FHIT: variants seen among roughly 807,000 people sequenced by gnomAD.
FHIT encodes the protein fragile histidine triad diadenosine triphosphatase.
A neutral mutation model predicts 17.9 loss-of-function variants in FHIT; 19 were observed. That is an observed-to-expected ratio of 1.06 (90% confidence interval 0.74 to 1.56). FHIT has a LOEUF of 1.56. FHIT is among the 40% of genes most tolerant of loss of function. FHIT has a pLI of 0.00. For synonymous variants in FHIT, 81 were observed against 69.7 expected, an observed-to-expected ratio of 1.16 and a Z score of -0.81; for missense variants, 248 against 189.2, an observed-to-expected ratio of 1.31 and a Z score of -1.82.
At chr3:59,900,450 A>G (rs1704275668) in intron 8 of FHIT, among the ~76,000 whole-genome samples, 1 of 152,106 alleles carries the variant, frequency 6.6e-6, no homozygotes, top group East Asian at 1.9e-4. Flanking sequence ...TACAGACAAA[A>G]CTAAATACCT....
chr3:60,605,413 C>G (rs777301373), intron 4 of FHIT, among the ~76,000 whole-genome samples: 1 of 152,084 alleles, frequency 6.6e-6, no homozygotes, highest in Non-Finnish European at 1.5e-5. Flanking sequence ...CTGACAGATA[C>G]CAAGAGATCA....
chr3:59,942,849 A>G (rs575960295), intron 7 of FHIT, among the ~76,000 whole-genome samples: 3 of 151,884 alleles, frequency 2.0e-5, no homozygotes, highest in South Asian at 2.1e-4. Context: ...GAGTCTCACT[A>G]TGTTGTCCAG....
intron 5 of FHIT, among the ~76,000 whole-genome samples, chr3:60,067,454 T>A (rs1174854877): frequency 6.6e-6 from 1 of 152,162 alleles, no homozygotes; most frequent in Non-Finnish European, 1.5e-5. Flanking sequence ...AAAACTACAA[T>A]CTCTCATTTA....
chr3:60,263,722 A>G (rs541716388), intron 5 of FHIT, among the ~76,000 whole-genome samples: 1 of 152,072 alleles, frequency 6.6e-6, no homozygotes, highest in Admixed American at 6.6e-5. Flanking sequence ...ATTTGATGAC[A>G]GTATTCTACA....
At chr3:60,021,551 G>T (rs138941163) in intron 5 of FHIT, among the ~76,000 whole-genome samples, 179 of 152,264 alleles carry the variant, frequency 1.2e-3, no homozygotes, top group African/African-American at 4.2e-3. Flanking sequence ...TGGGAAAGAA[G>T]TAAATGATAT....
chr3:59,755,052 A>C (rs1701137812), intron 8 of FHIT, among the ~76,000 whole-genome samples: 2 of 152,138 alleles, frequency 1.3e-5, no homozygotes, highest in Non-Finnish European at 2.9e-5. Context: ...TACTGTTGAG[A>C]ATCACTGCTT....
chr3:60,404,758 A>C (rs1701790103), intron 5 of FHIT, among the ~76,000 whole-genome samples: 1 of 152,170 alleles, frequency 6.6e-6, no homozygotes, highest in Non-Finnish European at 1.5e-5. Flanking sequence ...GTCAGGGACC[A>C]GGCTTTACAC....
chr3:60,715,235 T>C (rs1384792775), intron 4 of FHIT, among the ~76,000 whole-genome samples: 1 of 152,116 alleles, frequency 6.6e-6, no homozygotes, highest in Non-Finnish European at 1.5e-5. Flanking sequence ...TAGCCATAGG[T>C]AGAAAGCTGA....
chr3:59,999,967 A>G lies in FHIT; in HGVS notation c.279+11404T>C, dbSNP rs1699664684. ...GGCTTCAAGTCTGGTTAATTCAACAATCCAATAATGTCACCTAGTGTCCAG... is the reference window on the plus strand; with the variant it reads ...GGCTTCAAGTCTGGTTAATTCAACAGTCCAATAATGTCACCTAGTGTCCAG... On this transcript the variant is annotated intron_variant, in intron 7 of 9. Coordinates refer to ENST00000492590, the MANE Select transcript of FHIT (RefSeq NM_002012.4). Among the ~76,000 whole-genome samples the G allele has an allele frequency of 2.6e-5, 4 of 152,168 alleles. No homozygotes were observed. The South Asian group carries it at 6.2e-4, about 24-fold the overall frequency.
intron 4 of FHIT, among the ~76,000 whole-genome samples, chr3:60,561,114 A>G (rs2036930026): frequency 6.6e-6 from 1 of 151,922 alleles, no homozygotes; most frequent in Non-Finnish European, 1.5e-5. Context: ...TTTTTAATGT[A>G]TCTTAGAAGA....
chr3:59,763,427 A>AT (rs1352471701), intron 8 of FHIT, among the ~76,000 whole-genome samples: 1 of 152,248 alleles, frequency 6.6e-6, no homozygotes, highest in African/African-American at 2.4e-5. Context: ...GGTTGTCAAG[A>AT]TAAAACCTAT....
intron 2 of FHIT, among the ~76,000 whole-genome samples, chr3:61,106,880 C>A (rs2036007135): frequency 6.6e-6 from 1 of 152,106 alleles, no homozygotes; most frequent in East Asian, 1.9e-4. Context: ...AGGCTGGTCT[C>A]AAACTCCTGA....
chr3:59,808,099 C>G (rs141947413), intron 8 of FHIT, among the ~76,000 whole-genome samples: 392 of 152,310 alleles, frequency 2.6e-3, no homozygotes, highest in African/African-American at 6.9e-3. Context: ...CCCTACCCCC[C>G]CAGTCCCTGG....
intron 5 of FHIT, among the ~76,000 whole-genome samples, chr3:60,302,951 T>G (rs763322406): frequency 6.6e-6 from 1 of 152,196 alleles, no homozygotes; most frequent in Non-Finnish European, 1.5e-5. Context: ...ATTTTCAACT[T>G]TTATTGAAAG....
chr3:60,266,003 G>T (rs890241336), intron 5 of FHIT, among the ~76,000 whole-genome samples: 2 of 151,754 alleles, frequency 1.3e-5, no homozygotes, highest in Non-Finnish European at 2.9e-5. Flanking sequence ...TATACATAAA[G>T]ATAGTATATA....
At chr3:60,471,354 G>A (rs1460115141) in intron 5 of FHIT, among the ~76,000 whole-genome samples, 1 of 152,182 alleles carries the variant, frequency 6.6e-6, no homozygotes, top group South Asian at 2.1e-4. Context: ...TTTAGCCTGT[G>A]GTGGTGGAGC....
chr3:59,858,295 C>T (rs1702260885), intron 8 of FHIT, among the ~76,000 whole-genome samples: 1 of 128,428 alleles, frequency 7.8e-6, no homozygotes, highest in Admixed American at 9.1e-5. Context: ...GGAGCGATCT[C>T]GGCTCACTCC....
At chr3:60,114,206 C>A (rs1405049102) in intron 5 of FHIT, among the ~76,000 whole-genome samples, 1 of 149,934 alleles carries the variant, frequency 6.7e-6, no homozygotes, top group South Asian at 2.1e-4. Flanking sequence ...TATGAATATT[C>A]CTATTTTAAA....
chr3:59,953,360 C>G (rs1224808438), intron 7 of FHIT, among the ~76,000 whole-genome samples: 1 of 152,000 alleles, frequency 6.6e-6, no homozygotes, highest in Non-Finnish European at 1.5e-5. Flanking sequence ...TCCTCCTCCT[C>G]CAGTGAGTGT....
Sources: gnomAD v4.1 joint callset for allele counts (sites outside exome capture counted in the v4.1 genomes callset) on GRCh38, gnomAD v4.1.1 for gene constraint, MANE v1.5 for transcripts, NCBI Gene and HGNC (gene_info 2026-07-23, HGNC 2026-07-21) for gene names.